Variants in CTCF observed in about 807,000 individuals in gnomAD.
The protein encoded by CTCF is transcriptional repressor CTCF.
In CTCF, 7 loss-of-function variants were observed where a neutral mutation model predicts 72.3. That is an observed-to-expected ratio of 0.10 (90% CI 0.06 to 0.18). The LOEUF is 0.18. Among genes scored for constraint, CTCF ranks in the 10% least tolerant of loss-of-function variants. The pLI is 1.00. For missense variants in CTCF, 516 were observed against 949.1 expected, an observed-to-expected ratio of 0.54 and a Z score of 6.00; for synonymous variants, 374 against 315.8, an observed-to-expected ratio of 1.18 and a Z score of -1.95.
intron 2 of CTCF, among the ~76,000 whole-genome samples, chr16:67,599,496 T>C (rs2051859333): frequency 6.6e-6 from 1 of 152,148 alleles, no homozygotes; most frequent in South Asian, 2.1e-4. Flanking sequence ...GGCCCTTGCA[T>C]CCTCACACTC....
At position 67,562,652 on chromosome 16, in the gene CTCF, T is replaced by C. The variant is rs962919877; in HGVS notation, c.-199T>C. The C allele has an allele frequency of 5.2e-5, 8 of 152,694 alleles. No homozygotes were observed. Among genetic ancestry groups the C allele is most frequent in the Non-Finnish European group, 1.0e-4 (7 of 68,666 alleles). The allele number at this position is 152,694 out of a possible 1,614,324, so 9.5% of individuals were successfully genotyped here. On this transcript the variant is annotated 5_prime_UTR_variant, in exon 1 of 12. Transcript: ENST00000264010. ...GGTGGCCGGTGCGGACGCGCGGAGC[T>C]CGCCGGAGACGCCGGGTGGCCGGAG...
chr16:67,589,713 A>C (rs1447872397), intron 2 of CTCF, among the ~76,000 whole-genome samples: 3 of 152,158 alleles, frequency 2.0e-5, no homozygotes, highest in African/African-American at 7.2e-5. Flanking sequence ...CCCCTAGTAC[A>C]TATGCTTGTA....
At chr16:67,596,390 T>G (rs2142777469) in intron 2 of CTCF, among the ~76,000 whole-genome samples, 1 of 152,284 alleles carries the variant, frequency 6.6e-6, no homozygotes, top group Middle Eastern at 3.4e-3. Context: ...TTTTCAGTCA[T>G]CTATTTGTGT....
intron 2 of CTCF, among the ~76,000 whole-genome samples, chr16:67,583,125 C>CA (rs2051612610): frequency 3.3e-5 from 5 of 151,558 alleles, no homozygotes; most frequent in Admixed American, 3.3e-4. Context: ...GCTGGGATTA[C>CA]AGGCACCAAC....
intron 2 of CTCF, among the ~76,000 whole-genome samples, chr16:67,593,298 G>A (rs1449684370): frequency 6.6e-6 from 1 of 151,830 alleles, no homozygotes; most frequent in African/African-American, 2.4e-5. Flanking sequence ...CATCACCCAG[G>A]TAATGAGCAT....
At chr16:67,591,725 G>T (rs567176525) in intron 2 of CTCF, among the ~76,000 whole-genome samples, 4 of 151,850 alleles carry the variant, frequency 2.6e-5, no homozygotes, top group Admixed American at 6.6e-5. Context: ...TTTTTTTGGG[G>T]GGGGGCAGTA....
At chr16:67,589,767 C>A (rs2051714185) in intron 2 of CTCF, among the ~76,000 whole-genome samples, 3 of 152,144 alleles carry the variant, frequency 2.0e-5, no homozygotes. Context: ...GACGCTTCAA[C>A]ACCTAATACC....
intron 10 of CTCF, among the ~76,000 whole-genome samples, chr16:67,635,307 A>G (rs2052414942): frequency 6.6e-6 from 1 of 151,868 alleles, no homozygotes; most frequent in African/African-American, 2.4e-5. Context: ...GGTGTGAGCC[A>G]CCATGCCTGG....
chr16:67,630,977 C>T (rs1256227464), intron 10 of CTCF, among the ~76,000 whole-genome samples: 1 of 152,018 alleles, frequency 6.6e-6, no homozygotes, highest in East Asian at 1.9e-4. Flanking sequence ...AAATGGACTT[C>T]CCAGAAGCAC....
In CTCF at chr16:67,623,206, T is replaced by C. The variant is rs1294432841; in HGVS notation, c.1357+1615T>C. 2.0e-5 allele frequency: 3 copies of C among 152,092 alleles called. No homozygotes were observed. In the East Asian group the frequency reaches 5.8e-4, roughly 29 times the overall value. 9.4% of individuals were successfully genotyped at this position (152,092 alleles called of 1,614,324 possible). A position where few individuals can be genotyped will look rare whatever the true frequency, so the allele number is the denominator to read the frequency against. ...CCTGACCTCAAGTGATCTGCCCTCATTGGCCTCCCAAAGTGTTGGGATTAC... is the reference window on the plus strand; with the variant it reads ...CCTGACCTCAAGTGATCTGCCCTCACTGGCCTCCCAAAGTGTTGGGATTAC... On this transcript the variant is annotated intron_variant, in intron 7 of 11. Coordinates refer to ENST00000264010, the MANE Select transcript of CTCF (RefSeq NM_006565.4).
chr16:67,610,350 CTTTTT>C (rs1158978403), intron 2 of CTCF, among the ~76,000 whole-genome samples: 1 of 121,388 alleles, frequency 8.2e-6, no homozygotes, highest in Non-Finnish European at 1.7e-5. Flanking sequence ...TTTTCTTTTT[CTTTTT>C]TTTTTTTTTT....
At chr16:67,628,866 C>A (rs1567616296) in intron 9 of CTCF, among the ~76,000 whole-genome samples, 1 of 152,198 alleles carries the variant, frequency 6.6e-6, no homozygotes, top group Non-Finnish European at 1.5e-5. Context: ...CGAGACCATC[C>A]TGGCTAACAT....
chr16:67,602,241 C>T (rs2051901969), intron 2 of CTCF, among the ~76,000 whole-genome samples: 1 of 152,150 alleles, frequency 6.6e-6, no homozygotes, highest in African/African-American at 2.4e-5. Flanking sequence ...CCGTTGTCTT[C>T]AAGTTGTAGC....
rs113632443 is a variant in CTCF, at chr16:67,590,685, G to A, written c.-10+19421G>A. Among the ~76,000 whole-genome samples, 15 of 151,670 alleles carry A rather than the reference G, an allele frequency of 9.9e-5. 1 individual carries two copies. Among genetic ancestry groups the A allele is most frequent in the African/African-American group, 3.6e-4 (15 of 41,454 alleles). On this transcript the variant is annotated intron_variant, in intron 2 of 11. Coordinates refer to ENST00000264010, the MANE Select transcript of CTCF (RefSeq NM_006565.4). ...CCGAGCACGGTGATCGGCCAGGTGT[G>A]ATGGCTCACACCTGTAATCCTAGCA... is the stretch of plus-strand genomic sequence containing the variant.
At chr16:67,636,591 T>A (rs1303949651) in intron 10 of CTCF, 99 bp from the exon 11 acceptor site, 32 of 380,616 alleles carry the variant, frequency 8.4e-5, no homozygotes, top group South Asian at 1.0e-4. Flanking sequence ...ATATATATAT[T>A]TATAAAACAA....
At chr16:67,603,448 G>A (rs1202132092) in intron 2 of CTCF, among the ~76,000 whole-genome samples, 2 of 151,534 alleles carry the variant, frequency 1.3e-5, no homozygotes, top group African/African-American at 2.4e-5. Context: ...TGGGAGAATG[G>A]CATGAACCCG....
At chr16:67,576,665 T>C (rs1005169261) in intron 2 of CTCF, among the ~76,000 whole-genome samples, 1 of 151,660 alleles carries the variant, frequency 6.6e-6, no homozygotes, top group Non-Finnish European at 1.5e-5. Context: ...ACCATTCTCT[T>C]GCCTCAGCCT....
chr16:67,579,668 C>T (rs1215996160), intron 2 of CTCF, among the ~76,000 whole-genome samples: 1 of 152,164 alleles, frequency 6.6e-6, no homozygotes, highest in Non-Finnish European at 1.5e-5. Context: ...GCTGGGATTA[C>T]AGGTATGAGC....
At chr16:67,574,650 CTTTTTTTTTTT>C (rs1162960134) in intron 2 of CTCF, among the ~76,000 whole-genome samples, 5 of 96,966 alleles carry the variant, frequency 5.2e-5, no homozygotes, top group African/African-American at 1.3e-4. Flanking sequence ...CCAAAAGCAT[CTTTTTTTTTTT>C]TTTTTTTTTT....
Sources: allele counts gnomAD v4.1 joint callset (sites outside exome capture counted in the v4.1 genomes callset), GRCh38; gene constraint gnomAD v4.1.1; transcripts MANE v1.5; gene names NCBI Gene and HGNC (gene_info 2026-07-23, HGNC 2026-07-21).